Variants in ADPRM observed in about 807,000 individuals in gnomAD.
The protein encoded by ADPRM is ADP-ribose/CDP-alcohol diphosphatase, manganese dependent, also known as manganese-dependent ADP-ribose/CDP-alcohol diphosphatase.
A neutral mutation model predicts 27.2 loss-of-function variants in ADPRM; 17 were observed. The observed-to-expected ratio is 0.63, with a 90% CI of 0.43 to 0.94. The LOEUF is 0.94. ADPRM is among the 40% of genes least tolerant of loss of function. The pLI is 0.00. For synonymous variants in ADPRM, 135 were observed against 145.3 expected, an observed-to-expected ratio of 0.93 and a Z score of 0.51; for missense variants, 337 against 412.8, an observed-to-expected ratio of 0.82 and a Z score of 1.59.
At position 10,705,705 on chromosome 17, in the gene ADPRM, C is replaced by A; in HGVS notation, c.601+178C>A. On this transcript the variant is annotated intron_variant, in intron 2 of 3. Transcript: ENST00000379774. This position sits in a 1 kb window ranked among gnomAD's most constrained non-coding sequence, Gnocchi z 5.4. Reference sequence around the variant, plus strand: ...TACAGTTGATTCAAGATTGATTTAACAGATATTTTAAATGCCTATTTTAGG... The same window carrying A: ...TACAGTTGATTCAAGATTGATTTAAAAGATATTTTAAATGCCTATTTTAGG... 2.8e-6 allele frequency: 3 copies of A among 1,065,360 alleles called. No individual in the cohort carries two copies. Among genetic ancestry groups the A allele is most frequent in the Non-Finnish European group, 3.9e-6 (3 of 767,622 alleles). The allele number at this position is 1,065,360 out of a possible 1,614,324, so 66.0% of individuals were successfully genotyped here.
chr17:10,706,994 T>A (rs1221990416), intron 3 of ADPRM, among the ~76,000 whole-genome samples: 1 of 152,186 alleles, frequency 6.6e-6, no homozygotes, highest in Non-Finnish European at 1.5e-5. Context: ...AATATTGACA[T>A]TAATACAAAA....
intron 3 of ADPRM, among the ~76,000 whole-genome samples, chr17:10,708,705 T>C (rs1233411054): frequency 1.3e-5 from 2 of 152,202 alleles, no homozygotes; most frequent in African/African-American, 4.8e-5. Context: ...ACTTCTTGAC[T>C]TGTGTCTGCT....
intron 3 of ADPRM, among the ~76,000 whole-genome samples, chr17:10,710,083 GTTTGTTTA>G (rs1019839720): frequency 2.5e-5 from 1 of 40,186 alleles, no homozygotes; most frequent in Admixed American, 2.3e-4. Flanking sequence ...TGCCTAAACT[GTTTGTTTA>G]TTTATTTATA....
At chr17:10,701,543 A>C (rs1483406563) in intron 1 of ADPRM, among the ~76,000 whole-genome samples, 6 of 152,150 alleles carry the variant, frequency 3.9e-5, no homozygotes, top group South Asian at 4.1e-4. Flanking sequence ...GTTAGCCAGG[A>C]TGGTCTCGAT....
chr17:10,705,006 A>C lies in ADPRM; in HGVS notation c.80A>C (p.Gln27Pro). 1 of 1,614,200 alleles carries C rather than the reference A, an allele frequency of 6.2e-7. No homozygotes were observed. Among genetic ancestry groups the C allele is most frequent in the Non-Finnish European group, 8.5e-7 (1 of 1,180,032 alleles). ...TCCTTTGGCGTCATCGCAGATGTTCAATTTGCAGACTTAGAAGATGGCTTT... is the reference window on the plus strand; with the variant it reads ...TCCTTTGGCGTCATCGCAGATGTTCCATTTGCAGACTTAGAAGATGGCTTT... ...LFSFGVIADV[Q>P]FADLEDGFNF... Residue 27 changes from glutamine (Q) to proline (P), a missense_variant, in exon 2 of 4, where the codon CAA becomes CCA. Transcript: ENST00000379774. This position sits in a 1 kb window ranked among gnomAD's most constrained non-coding sequence, Gnocchi z 5.4.
rs1187205002 is a variant in ADPRM at position 10,705,771 on chromosome 17, C to A, written c.601+244C>A. 2 of 525,982 alleles carry A rather than the reference C, an allele frequency of 3.8e-6. No individual in the cohort carries two copies. Among genetic ancestry groups the A allele is most frequent in the Non-Finnish European group, 6.7e-6 (2 of 299,376 alleles). 32.6% of individuals were successfully genotyped at this position (525,982 alleles called of 1,614,324 possible). A position where few individuals can be genotyped will look rare whatever the true frequency, so the allele number is the denominator to read the frequency against. ...AGGGGTAGATATTCCGAGCTGTAAA[C>A]AATACTAACAATATTACTTTTTTGA... is the stretch of plus-strand genomic sequence containing the variant. On this transcript the variant is annotated intron_variant, in intron 2 of 3. Transcript: ENST00000379774. This position sits in a 1 kb window ranked among gnomAD's most constrained non-coding sequence, Gnocchi z 5.4.
rs371208948 is a variant in ADPRM at position 10,710,850 on chromosome 17, C to T, written c.735C>T (p.Tyr245=). ...KVVIVSHLPI[Y]PDASDNVCLA... ...AACTAACAGGCCATCTTCCCATTTA[C>T]CCGGACGCCTCTGACAATGTGTGCC... Residue 245 remains tyrosine, a synonymous_variant, in exon 4 of 4, where the codon TAC becomes TAT. Transcript: ENST00000379774. 7.4e-6 allele frequency: 12 copies of T among 1,613,820 alleles called. No homozygotes were observed. The highest frequency in any genetic ancestry group is 1.6e-4 in the Middle Eastern group (1 of 6,084).
chr17:10,703,954 G>A (rs2074795943), intron 1 of ADPRM, among the ~76,000 whole-genome samples: 1 of 152,144 alleles, frequency 6.6e-6, no homozygotes, highest in African/African-American at 2.4e-5. Context: ...AGGCAGGGCA[G>A]AGATCATTTG....
At position 10,702,468 on chromosome 17, in the gene ADPRM, G is replaced by A. The variant is rs966049148; in HGVS notation, c.-17-2442G>A. Among the ~76,000 whole-genome samples, 1 of 152,240 alleles carries A rather than the reference G, an allele frequency of 6.6e-6. No individual in the cohort carries two copies. The highest frequency in any genetic ancestry group is 2.4e-5 in the African/African-American group (1 of 41,468). On this transcript the variant is annotated intron_variant, in intron 1 of 3. Transcript: ENST00000379774. The surrounding 1 kb of genome is among the most constrained non-coding windows in gnomAD (Gnocchi z 4.2). ...TGACATGTGTAACTAAATGACCAGT[G>A]TTCTAGCAGGGACAGGTGAATTTAG...
In ADPRM at chr17:10,705,421, A is replaced by G. The variant is rs749300500; in HGVS notation, c.495A>G (p.Ala165=). The G allele has an allele frequency of 1.2e-6, 2 of 1,614,116 alleles. No individual in the cohort carries two copies. The highest frequency in any genetic ancestry group is 1.7e-5 in the Admixed American group (1 of 60,016). The change falls in exon 2 of 4, where the codon GCA becomes GCG. Residue 165 remains alanine (A), a synonymous_variant. Transcript: ENST00000379774. The surrounding 1 kb of genome is among the most constrained non-coding windows in gnomAD (Gnocchi z 5.4). Reference sequence around the variant, plus strand: ...AATTCCGGTTCATTTTACTTGATGCATATGACTTGAGTGTCTTGGGCGTGG... The same window carrying G: ...AATTCCGGTTCATTTTACTTGATGCGTATGACTTGAGTGTCTTGGGCGTGG... ...FPKFRFILLD[A]YDLSVLGVDQ... is the part of the protein sequence containing the mutation.
At chr17:10,707,785 AT>A (rs2074822868) in intron 3 of ADPRM, among the ~76,000 whole-genome samples, 3 of 152,176 alleles carry the variant, frequency 2.0e-5, no homozygotes. Flanking sequence ...AGGAAGTTAG[AT>A]TTGTATTTTC....
chr17:10,702,206 G>T lies in ADPRM; in HGVS notation c.-17-2704G>T, dbSNP rs1233196506. 1.3e-5 allele frequency among the ~76,000 whole-genome samples: 2 copies of T among 152,180 alleles called. No homozygotes were observed. The highest frequency in any genetic ancestry group is 3.8e-4 in the East Asian group (2 of 5,196). On this transcript the variant is annotated intron_variant, in intron 1 of 3. Coordinates refer to ENST00000379774, the MANE Select transcript of ADPRM (RefSeq NM_020233.5). The surrounding 1 kb of genome is among the most constrained non-coding windows in gnomAD (Gnocchi z 4.2). Reference sequence around the variant, plus strand: ...TACTAACCTTATTTTTAAAAGCCATGTATATTCAACACTTTGGATCTCTCT... The same window carrying T: ...TACTAACCTTATTTTTAAAAGCCATTTATATTCAACACTTTGGATCTCTCT...
chr17:10,704,194 C>CAAAAACAAAAACCACAA (rs1555531833), intron 1 of ADPRM, among the ~76,000 whole-genome samples: 116 of 151,054 alleles, frequency 7.7e-4, no homozygotes, highest in African/African-American at 2.8e-3. Context: ...AAACAAAAAC[C>CAAAAACAAAAACCACAA]ACAAACAAAG....
intron 1 of ADPRM, among the ~76,000 whole-genome samples, chr17:10,699,510 T>TTTTC (rs1229245203): frequency 3.3e-5 from 5 of 149,856 alleles, no homozygotes; most frequent in Admixed American, 6.7e-5. Context: ...GATATTTTTC[T>TTTTC]TTTCTTTCTT....
intron 1 of ADPRM, among the ~76,000 whole-genome samples, chr17:10,701,749 A>G (rs1355921200): frequency 6.6e-6 from 1 of 152,170 alleles, no homozygotes; most frequent in African/African-American, 2.4e-5. Context: ...TGATGGAGGG[A>G]GGGAGCTATT....
intron 1 of ADPRM, among the ~76,000 whole-genome samples, chr17:10,704,458 C>T (rs963184467): frequency 3.6e-5 from 4 of 111,404 alleles, no homozygotes; most frequent in Admixed American, 2.5e-4. Flanking sequence ...AAAGTACATA[C>T]AGTGAATGAA....
intron 3 of ADPRM, among the ~76,000 whole-genome samples, chr17:10,709,003 T>A (rs2151464730): frequency 6.6e-6 from 1 of 152,320 alleles, no homozygotes; most frequent in Non-Finnish European, 1.5e-5. Flanking sequence ...GCCTAGAAAC[T>A]GGAAAAGCAA....
chr17:10,707,768 A>G lies in ADPRM; in HGVS notation c.718+1214A>G, dbSNP rs12450685. ...ACTGTGCAAGCTGTGCCTCCCACAC[A>G]GTCACAAGGAAGTTAGATTTGTATT... On this transcript the variant is annotated intron_variant, in intron 3 of 3. Coordinates refer to ENST00000379774, the MANE Select transcript of ADPRM (RefSeq NM_020233.5). 0.015 allele frequency among the ~76,000 whole-genome samples: 2,213 copies of G among 152,344 alleles called. 87 individuals carry two copies. In the East Asian group the frequency reaches 0.15, roughly 10 times the overall value.
In ADPRM at chr17:10,710,844, C is replaced by G. The variant is rs775380575; in HGVS notation, c.729C>G (p.Pro243=). Residue 243 remains proline, a synonymous_variant, in exon 4 of 4, where the codon CCC becomes CCG. Transcript: ENST00000379774. ...TTCTTTAACTAACAGGCCATCTTCC[C>G]ATTTACCCGGACGCCTCTGACAATG... The part of the protein sequence containing the change: ...QEKVVIVSHL[P]IYPDASDNVC... 3 of 1,613,756 alleles carry G rather than the reference C, an allele frequency of 1.9e-6. No individual in the cohort carries two copies. In the East Asian group the frequency reaches 6.7e-5, roughly 36 times the overall value.
Sources: gnomAD v4.1 joint callset for allele counts (sites outside exome capture counted in the v4.1 genomes callset) on GRCh38, gnomAD v4.1.1 for gene constraint, Gnocchi (gnomAD v3.1) non-coding constraint, MANE v1.5 for transcripts, NCBI Gene and HGNC (gene_info 2026-07-23, HGNC 2026-07-21) for gene names.